Variants in TLK2 observed in about 807,000 individuals in gnomAD.
The protein encoded by TLK2 is tousled like kinase 2, also known as serine/threonine-protein kinase tousled-like 2.
TLK2 carries 6 observed loss-of-function variants against 117.3 expected under a neutral mutation model. The ratio of observed to expected loss-of-function variants is 0.05; its 90% CI spans 0.03 to 0.10. TLK2 has a LOEUF of 0.10. Ranked by LOEUF, TLK2 falls within the 10% of genes least tolerant of loss-of-function variation. The pLI, the probability that TLK2 is intolerant of heterozygous loss-of-function variation, is 1.00. For missense variants in TLK2, 299 were observed against 901.2 expected, an observed-to-expected ratio of 0.33 and a Z score of 8.56; for synonymous variants, 257 against 316.7, an observed-to-expected ratio of 0.81 and a Z score of 2.00.
At chr17:62,499,385 G>C (rs957552182) in intron 2 of TLK2, among the ~76,000 whole-genome samples, 15 of 150,678 alleles carry the variant, frequency 1.0e-4, no homozygotes, top group Non-Finnish European at 2.2e-4. Flanking sequence ...GCCTGGTCTC[G>C]AACTCCTGGG....
At chr17:62,530,156 C>T (rs62076080) in intron 6 of TLK2, among the ~76,000 whole-genome samples, 70,007 of 151,802 alleles carry the variant, frequency 0.46, 18,151 homozygotes, top group East Asian at 0.71. Context: ...TGCCTGTAAT[C>T]CCTGCCACTC....
intron 21 of TLK2, among the ~76,000 whole-genome samples, chr17:62,611,124 C>T (rs370335243): frequency 7.2e-5 from 11 of 152,226 alleles, no homozygotes; most frequent in African/African-American, 2.2e-4. Flanking sequence ...GGTGACAGAA[C>T]GAGATCTTGT....
chr17:62,498,376 C>T (rs1198187151), intron 2 of TLK2, among the ~76,000 whole-genome samples: 4 of 146,596 alleles, frequency 2.7e-5, no homozygotes, highest in South Asian at 2.2e-4. Context: ...TTGATAGTGT[C>T]GTAGAAAGCC....
At chr17:62,496,251 C>G (rs1462097494) in intron 2 of TLK2, among the ~76,000 whole-genome samples, 5 of 151,986 alleles carry the variant, frequency 3.3e-5, no homozygotes, top group Non-Finnish European at 7.4e-5. Context: ...ACATATAGAG[C>G]TTCTTTGTTC....
chr17:62,580,048 T>C (rs2081096895), intron 14 of TLK2, 63 bp from the exon 15 acceptor site: 13 of 1,370,074 alleles, frequency 9.5e-6, no homozygotes, highest in Non-Finnish European at 1.1e-5. Flanking sequence ...TTCTGGGAAT[T>C]TTGCAAGCGT....
At position 62,614,127 on chromosome 17, in the gene TLK2, A is replaced by G. The variant is rs1216671191; in HGVS notation, c.*1562A>G. ...CAACAGAATGAGACTCTGTCTCAGA[A>G]AAAAAAAAAAAAAAAAAAGGAGAAA... On this transcript the variant is annotated 3_prime_UTR_variant, in exon 22 of 22. Coordinates refer to ENST00000346027, the MANE Select transcript of TLK2 (RefSeq NM_006852.6). 5 of 116,396 alleles carry G rather than the reference A, an allele frequency of 4.3e-5. No individual in the cohort carries two copies. Among genetic ancestry groups the G allele is most frequent in the Admixed American group, 8.1e-5 (1 of 12,370 alleles). 7.2% of individuals were successfully genotyped at this position (116,396 alleles called of 1,614,324 possible). A position where few individuals can be genotyped will look rare whatever the true frequency, so the allele number is the denominator to read the frequency against.
rs1433673228 is a variant in TLK2, at chr17:62,600,834, T to C, written c.1720+14T>C. 1 of 1,589,804 alleles carries C rather than the reference T, an allele frequency of 6.3e-7. No homozygotes were observed. Among genetic ancestry groups the C allele is most frequent in the Non-Finnish European group, 8.5e-7 (1 of 1,171,200 alleles). ...ACCTCAAACCAGGTATGTCTAACTT[T>C]TAGGAGACAGTATTAGTGGGTTTTC... On this transcript the variant is annotated intron_variant, in intron 18 of 21. Coordinates refer to ENST00000346027, the MANE Select transcript of TLK2 (RefSeq NM_006852.6).
upstream of TLK2, among the ~76,000 whole-genome samples, chr17:62,475,006 A>G (rs2071010854): frequency 3.3e-5 from 5 of 152,234 alleles, no homozygotes; most frequent in South Asian, 1.0e-3. Context: ...AGATTGTGCC[A>G]TTGCACTCCA....
upstream of TLK2, among the ~76,000 whole-genome samples, chr17:62,476,278 C>A (rs2071042033): frequency 3.9e-5 from 6 of 152,016 alleles, 1 homozygote; most frequent in South Asian, 1.2e-3. Flanking sequence ...CCGCACCCAG[C>A]CTACTTTGAA....
At chr17:62,511,397 G>C (rs1174921294) in intron 2 of TLK2, among the ~76,000 whole-genome samples, 1 of 152,156 alleles carries the variant, frequency 6.6e-6, no homozygotes, top group Non-Finnish European at 1.5e-5. Flanking sequence ...TTGAGACAGA[G>C]TCTCACCCTG....
intron 2 of TLK2, among the ~76,000 whole-genome samples, chr17:62,515,009 A>C (rs754321741): frequency 1.6e-4 from 24 of 152,234 alleles, no homozygotes; most frequent in Non-Finnish European, 2.6e-4. Context: ...TGAAATGCCC[A>C]TTAAACAACT....
chr17:62,479,978 T>C (rs2071429871), intron 1 of TLK2, among the ~76,000 whole-genome samples: 1 of 152,244 alleles, frequency 6.6e-6, no homozygotes, highest in Admixed American at 6.5e-5. Flanking sequence ...TTTGTAAAGA[T>C]GCATTTCAAC....
chr17:62,580,882 A>C (rs2081166628), intron 15 of TLK2, among the ~76,000 whole-genome samples: 1 of 152,240 alleles, frequency 6.6e-6, no homozygotes. Flanking sequence ...TTTCACTGTT[A>C]GGATTTATGT....
In TLK2 at chr17:62,608,084, A is replaced by G; in HGVS notation, c.2015A>G (p.Asn672Ser). 6.2e-7 allele frequency: 1 copy of G among 1,614,026 alleles called. No individual in the cohort carries two copies. The highest frequency in any genetic ancestry group is 8.5e-7 in the Non-Finnish European group (1 of 1,180,010). ...TCTCAGCAAGACATCCTACAAGAGA[A>G]TACGATTCTTAAAGCTACTGAAGTG... ...NQSQQDILQENTILKATEVQF... is the reference protein window; with the variant it reads ...NQSQQDILQESTILKATEVQF... Residue 672 changes from asparagine (N) to serine (S), a missense_variant, in exon 21 of 22, where the codon AAT becomes AGT. Transcript: ENST00000346027.
chr17:62,588,985 G>A (rs933989178), intron 16 of TLK2, among the ~76,000 whole-genome samples: 1 of 152,106 alleles, frequency 6.6e-6, no homozygotes, highest in Non-Finnish European at 1.5e-5. Context: ...TTCCATTCAT[G>A]GGGATGACTT....
At chr17:62,581,945 A>T (rs1236218905) in intron 15 of TLK2, among the ~76,000 whole-genome samples, 4 of 151,826 alleles carry the variant, frequency 2.6e-5, no homozygotes, top group Admixed American at 6.6e-5. Context: ...GTTAGAGTTG[A>T]CTCATAAAAA....
chr17:62,519,754 A>AT (rs2075901082), intron 2 of TLK2, among the ~76,000 whole-genome samples: 1 of 152,040 alleles, frequency 6.6e-6, no homozygotes, highest in African/African-American at 2.4e-5. Context: ...AAAAAAATGG[A>AT]TTTTTGTCTA....
intron 17 of TLK2, among the ~76,000 whole-genome samples, chr17:62,596,994 G>T (rs1427073653): frequency 6.6e-6 from 1 of 150,898 alleles, no homozygotes; most frequent in Non-Finnish European, 1.5e-5. Context: ...GTTTATTTTT[G>T]TTTTTTTTTA....
chr17:62,508,168 G>GTTTTT (rs34268998), intron 2 of TLK2, among the ~76,000 whole-genome samples: 10 of 125,754 alleles, frequency 8.0e-5, no homozygotes, highest in Non-Finnish European at 9.7e-5. Flanking sequence ...AAATTTCCTA[G>GTTTTT]TTTTTTTTTT....
Sources: gnomAD v4.1 joint callset for allele counts (sites outside exome capture counted in the v4.1 genomes callset) on GRCh38, gnomAD v4.1.1 for gene constraint, MANE v1.5 for transcripts, NCBI Gene and HGNC (gene_info 2026-07-23, HGNC 2026-07-21) for gene names.